DTWD2: variants seen among roughly 807,000 people sequenced by gnomAD.
DTWD2 encodes the protein DTW motif tRNA-uridine aminocarboxypropyltransferase 2, also known as tRNA-uridine aminocarboxypropyltransferase 2.
DTWD2 carries 39 observed loss-of-function variants against 31.8 expected under a neutral mutation model. That is an observed-to-expected ratio of 1.22 (90% CI 0.95 to 1.60). DTWD2 has a LOEUF of 1.60. Ranked by LOEUF, DTWD2 falls within the 40% of genes most tolerant of loss-of-function variation. The pLI is 0.00. For synonymous variants in DTWD2, 180 were observed against 142.8 expected (o/e 1.26, Z -1.86); for missense variants, 515 against 381.5 (o/e 1.35, Z -2.92).
intron 1 of DTWD2, among the ~76,000 whole-genome samples, chr5:118,977,100 C>A (rs1580452715): frequency 6.6e-6 from 1 of 152,148 alleles, no homozygotes; most frequent in South Asian, 2.1e-4. Flanking sequence ...ATGATTATCT[C>A]AAAAAATGCA....
At chr5:118,940,479 A>C (rs990881642) in intron 2 of DTWD2, among the ~76,000 whole-genome samples, 2 of 152,228 alleles carry the variant, frequency 1.3e-5, no homozygotes, top group Admixed American at 6.5e-5. Flanking sequence ...GGAGGCAATC[A>C]CTTTAACTCT....
intron 4 of DTWD2, among the ~76,000 whole-genome samples, chr5:118,854,566 C>G (rs372749835): frequency 6.6e-6 from 1 of 151,802 alleles, no homozygotes; most frequent in African/African-American, 2.4e-5. Flanking sequence ...ATTATATAGT[C>G]ATATAAGAAA....
At chr5:118,961,601 C>T (rs1754708026) in intron 1 of DTWD2, among the ~76,000 whole-genome samples, 1 of 152,170 alleles carries the variant, frequency 6.6e-6, no homozygotes. Flanking sequence ...GTAGCAGAAT[C>T]CTCTGCTCCT....
chr5:118,940,742 T>C (rs576043520), intron 2 of DTWD2, among the ~76,000 whole-genome samples: 29 of 152,340 alleles, frequency 1.9e-4, no homozygotes, highest in Non-Finnish European at 3.4e-4. Flanking sequence ...TTTCAGAGTT[T>C]ATAGAACTAT....
chr5:118,951,183 CACAGA>C (rs763712819), intron 1 of DTWD2, among the ~76,000 whole-genome samples: 83 of 152,218 alleles, frequency 5.5e-4, no homozygotes, highest in Non-Finnish European at 9.9e-4. Context: ...AAGGGCTAGT[CACAGA>C]AGGAAACTGT....
At position 118,844,610 on chromosome 5, in the gene DTWD2, AC is replaced by A. The variant is rs527613604; in HGVS notation, c.726+3479del. On this transcript the variant is annotated intron_variant, in intron 5 of 5. Transcript: ENST00000510708. ...GTATATTACAGATAAGAACACAAGT[AC>A]AAAAAATTATGTGGTCTGCCCACTT... 1.7e-3 allele frequency among the ~76,000 whole-genome samples: 265 copies of A among 152,354 alleles called. 1 individual carries two copies. The highest frequency in any genetic ancestry group is 6.2e-3 in the African/African-American group (258 of 41,588).
intron 4 of DTWD2, among the ~76,000 whole-genome samples, chr5:118,881,638 TG>T (rs139994269): frequency 0.053 from 8,102 of 152,180 alleles, 303 homozygotes; most frequent in African/African-American, 0.1. Context: ...TCCACATGGC[TG>T]GGGAGCCTTC....
chr5:118,988,302 G>T lies in DTWD2; in HGVS notation c.210C>A (p.Thr70=). ...VEPAERRPEC[T]RCSRPQKVCL... Reference sequence around the variant, plus strand: ...CCCAGCCCCGCGGTCACCTGCAGCGGGTGCACTCAGGCCTCCGCTCGGCCG... The same window carrying T: ...CCCAGCCCCGCGGTCACCTGCAGCGTGTGCACTCAGGCCTCCGCTCGGCCG... Residue 70 remains threonine (T), a synonymous_variant, in exon 1 of 6, where the codon ACC becomes ACA. Coordinates refer to ENST00000510708, the MANE Select transcript of DTWD2 (RefSeq NM_173666.4). The T allele has an allele frequency of 6.6e-7, 1 of 1,523,052 alleles. No individual in the cohort carries two copies. The allele number at this position is 1,523,052 out of a possible 1,614,324, so 94.3% of individuals were successfully genotyped here.
chr5:118,894,630 C>T (rs781713863), intron 4 of DTWD2, among the ~76,000 whole-genome samples: 2 of 152,142 alleles, frequency 1.3e-5, no homozygotes, highest in African/African-American at 2.4e-5. Flanking sequence ...CAACAAAATA[C>T]TAGCAAACAG....
chr5:118,898,615 T>C (rs1176468947), intron 4 of DTWD2, among the ~76,000 whole-genome samples: 2 of 135,096 alleles, frequency 1.5e-5, no homozygotes, highest in Non-Finnish European at 3.0e-5. Flanking sequence ...GCTGAGATCA[T>C]ACCACTGCAC....
intron 1 of DTWD2, among the ~76,000 whole-genome samples, chr5:118,946,263 A>T (rs1366237924): frequency 6.6e-6 from 1 of 152,170 alleles, no homozygotes; most frequent in Non-Finnish European, 1.5e-5. Flanking sequence ...ATTTCCAATG[A>T]TTGTTCTGCC....
rs1755006411 is a variant in DTWD2, at chr5:118,972,350, G to A, written c.218+15944C>T. ...CAGAGAATACTATAAACACCTCTAT[G>A]CACATAAACTAGAAAATCTAGGAGA... On this transcript the variant is annotated intron_variant, in intron 1 of 5. Transcript: ENST00000510708. 2.6e-5 allele frequency among the ~76,000 whole-genome samples: 4 copies of A among 152,282 alleles called. No homozygotes were observed. The South Asian group carries it at 6.2e-4, about 24-fold the overall frequency.
chr5:118,877,415 T>G (rs1488661053), intron 4 of DTWD2, among the ~76,000 whole-genome samples: 2 of 151,878 alleles, frequency 1.3e-5, no homozygotes, highest in Non-Finnish European at 2.9e-5. Context: ...GAGCTTGCAG[T>G]GAGCGGAGAT....
chr5:118,987,984 G>A, intron 1 of DTWD2: 1 of 656,040 alleles, frequency 1.5e-6, no homozygotes. Context: ...TATTTTACAA[G>A]TATTACTGTC....
rs1561420160 is a variant in DTWD2 at position 118,839,886 on chromosome 5, T to G, written c.*1031A>C. ...CTATAAATAGTTACCAAGTTTACCT[T>G]TAAATGGCATGTTTAGTTTTTCCTT... is the stretch of plus-strand genomic sequence containing the variant. On this transcript the variant is annotated 3_prime_UTR_variant, in exon 6 of 6. Transcript: ENST00000510708. 1 of 152,166 alleles carries G rather than the reference T, an allele frequency of 6.6e-6. No individual in the cohort carries two copies. The highest frequency in any genetic ancestry group is 2.4e-5 in the African/African-American group (1 of 41,434). 9.4% of individuals were successfully genotyped at this position (152,166 alleles called of 1,614,324 possible).
chr5:118,848,290 CTAAT>C lies in DTWD2; in HGVS notation c.598-76_598-73del, dbSNP rs1751909274. 1.5e-5 allele frequency: 20 copies of C among 1,369,130 alleles called. No individual in the cohort carries two copies. In the South Asian group the frequency reaches 2.9e-4, roughly 20 times the overall value. 84.8% of individuals were successfully genotyped at this position (1,369,130 alleles called of 1,614,324 possible). A position where few individuals can be genotyped will look rare whatever the true frequency, so the allele number is the denominator to read the frequency against. On this transcript the variant is annotated intron_variant, in intron 4 of 5. Transcript: ENST00000510708. ...AATTATAAAGTTTGTGTTTTAAATA[CTAAT>C]TACTTTCCTTCCAAAACTGCCAGCA... is the stretch of plus-strand genomic sequence containing the variant.
intron 4 of DTWD2, among the ~76,000 whole-genome samples, chr5:118,857,606 AGAAGTTATTGATTT>A (rs1248637054): frequency 5.9e-5 from 9 of 152,164 alleles, no homozygotes; most frequent in Non-Finnish European, 1.3e-4. Context: ...TTTGATGACT[AGAAGTTATTGATTT>A]TAATGAAACA....
rs902588432 is a variant in DTWD2, at chr5:118,840,199, T to G, written c.*718A>C. On this transcript the variant is annotated 3_prime_UTR_variant, in exon 6 of 6. Coordinates refer to ENST00000510708, the MANE Select transcript of DTWD2 (RefSeq NM_173666.4). ...AACAATTGTATCATATTCCACTTAT[T>G]ATTTTCCATATGAAAACATCAATAA... 7.0e-4 allele frequency: 106 copies of G among 152,346 alleles called. No homozygotes were observed. Among genetic ancestry groups the G allele is most frequent in the African/African-American group, 2.5e-3 (102 of 41,588 alleles). 9.4% of individuals were successfully genotyped at this position (152,346 alleles called of 1,614,324 possible).
intron 4 of DTWD2, among the ~76,000 whole-genome samples, chr5:118,863,869 A>G (rs2149546013): frequency 6.6e-6 from 1 of 152,110 alleles, no homozygotes; most frequent in South Asian, 2.1e-4. Context: ...AGAGTACACA[A>G]CACGCCCAAA....
Sources: gnomAD v4.1 joint callset for allele counts (sites outside exome capture counted in the v4.1 genomes callset) on GRCh38, gnomAD v4.1.1 for gene constraint, MANE v1.5 for transcripts, NCBI Gene and HGNC (gene_info 2026-07-23, HGNC 2026-07-21) for gene names.